Variants in ABLIM2 observed in about 807,000 individuals in gnomAD.
ABLIM2 encodes the protein actin-binding LIM protein 2.
A neutral mutation model predicts 97.7 loss-of-function variants in ABLIM2; 53 were observed. The ratio of observed to expected loss-of-function variants is 0.54; its 90% CI spans 0.44 to 0.68. The LOEUF (loss-of-function observed/expected upper bound fraction) is 0.68, where lower values mean the gene tolerates loss of function less well. Ranked by LOEUF, ABLIM2 falls within the 30% of genes least tolerant of loss-of-function variation. The pLI, the probability that ABLIM2 is intolerant of heterozygous loss-of-function variation, is 0.00. For synonymous variants in ABLIM2, 361 were observed against 345.8 expected (o/e 1.04, Z -0.49); for missense variants, 835 against 867.2 (o/e 0.96, Z 0.47).
intron 5 of ABLIM2, among the ~76,000 whole-genome samples, chr4:8,078,076 G>A (rs1368012474): frequency 1.3e-5 from 2 of 152,214 alleles, no homozygotes; most frequent in East Asian, 1.9e-4. Context: ...AACATCTGGG[G>A]TGCCTTAGAA....
Position 8,072,425 on chromosome 4 carries a change from C to A in ABLIM2, c.675+5203G>T, listed in dbSNP as rs1812882955. ...GTCTGCCCCCGACCCCAGGCCAGGGCCTCTCTGGTGTGGGGGCTGCTGCCC... is the reference window on the plus strand; with the variant it reads ...GTCTGCCCCCGACCCCAGGCCAGGGACTCTCTGGTGTGGGGGCTGCTGCCC... On this transcript the variant is annotated intron_variant, in intron 6 of 20. Transcript: ENST00000447017. This position sits in a 1 kb window ranked among gnomAD's most constrained non-coding sequence, Gnocchi z 5.8. Among the ~76,000 whole-genome samples, 1 of 152,204 alleles carries A rather than the reference C, an allele frequency of 6.6e-6. No homozygotes were observed. Among genetic ancestry groups the A allele is most frequent in the East Asian group, 1.9e-4 (1 of 5,184 alleles).
intron 9 of ABLIM2, among the ~76,000 whole-genome samples, chr4:8,037,317 C>T (rs140919847): frequency 1.3e-4 from 19 of 145,212 alleles, no homozygotes; most frequent in African/African-American, 4.0e-4. Context: ...CACATGCATG[C>T]GCACACATGC....
At position 8,124,036 on chromosome 4, in the gene ABLIM2, A is replaced by G. The variant is rs528683663; in HGVS notation, c.11-17399T>C. The stretch of plus-strand genomic sequence containing the variant: ...TTTTACTGAGACGACCACTCTTAAC[A>G]GCTCAGCGGCTGCTCTACCATGTGC... On this transcript the variant is annotated intron_variant, in intron 1 of 20. Transcript: ENST00000447017. The surrounding 1 kb of genome is among the most constrained non-coding windows in gnomAD (Gnocchi z 6.1). Among the ~76,000 whole-genome samples, 1 of 152,348 alleles carries G rather than the reference A, an allele frequency of 6.6e-6. No homozygotes were observed. Among genetic ancestry groups the G allele is most frequent in the Non-Finnish European group, 1.5e-5 (1 of 68,032 alleles).
intron 2 of ABLIM2, 56 bp from the exon 3 acceptor site, chr4:8,097,338 C>T (rs1832169413): frequency 6.5e-7 from 1 of 1,540,744 alleles, no homozygotes; most frequent in African/African-American, 1.4e-5. Context: ...CTCCACGTCC[C>T]CCAGGCCCGA....
chr4:8,042,839 CAAAAA>C (rs35649540), intron 9 of ABLIM2, among the ~76,000 whole-genome samples: 3 of 62,366 alleles, frequency 4.8e-5, no homozygotes, highest in Admixed American at 2.0e-4. Flanking sequence ...AACTCCAACT[CAAAAA>C]AAAAAAAAAA....
rs1433735449 is a variant in ABLIM2 at position 8,130,366 on chromosome 4, T to C, written c.11-23729A>G. Among the ~76,000 whole-genome samples, 1 of 152,146 alleles carries C rather than the reference T, an allele frequency of 6.6e-6. No homozygotes were observed. Among genetic ancestry groups the C allele is most frequent in the African/African-American group, 2.4e-5 (1 of 41,428 alleles). ...CTCTGTAATGTTCAGGAGAGGGCCA[T>C]GTGGAGAGGTTGGCCTTCTGAGTCC... On this transcript the variant is annotated intron_variant, in intron 1 of 20. Transcript: ENST00000447017. This position sits in a 1 kb window ranked among gnomAD's most constrained non-coding sequence, Gnocchi z 4.2.
intron 6 of ABLIM2, among the ~76,000 whole-genome samples, chr4:8,074,271 C>T (rs935298859): frequency 1.3e-5 from 2 of 151,982 alleles, no homozygotes; most frequent in Non-Finnish European, 2.9e-5. Flanking sequence ...TGGGGCAATA[C>T]AGCAAGATCC....
At chr4:7,982,732 GTCTC>G (rs1163437752) in intron 20 of ABLIM2, among the ~76,000 whole-genome samples, 4 of 152,000 alleles carry the variant, frequency 2.6e-5, no homozygotes, top group Non-Finnish European at 4.4e-5. Flanking sequence ...TTGAGATGGA[GTCTC>G]TCTGTCACCC....
intron 1 of ABLIM2, among the ~76,000 whole-genome samples, chr4:8,151,857 T>A (rs888635306): frequency 7.6e-5 from 1 of 13,230 alleles, no homozygotes; most frequent in African/African-American, 3.3e-4. Context: ...GGACTTGGGG[T>A]GGGGGTGGGG....
intron 7 of ABLIM2, among the ~76,000 whole-genome samples, chr4:8,060,644 C>T (rs188607778): frequency 1.8e-4 from 28 of 152,326 alleles, no homozygotes; most frequent in Admixed American, 1.4e-3. Flanking sequence ...AAAGTGGCGA[C>T]GGATGTGATC....
intron 1 of ABLIM2, among the ~76,000 whole-genome samples, chr4:8,156,269 G>T (rs1389953265): frequency 6.8e-6 from 1 of 148,008 alleles, no homozygotes; most frequent in Admixed American, 6.8e-5. Flanking sequence ...ATGGGCTGCA[G>T]TGAGATGAAG....
At chr4:8,084,319 C>T (rs1264361396) in intron 4 of ABLIM2, among the ~76,000 whole-genome samples, 16 of 152,166 alleles carry the variant, frequency 1.1e-4, no homozygotes, top group Non-Finnish European at 4.4e-5. Flanking sequence ...ACCTCCCAGG[C>T]GCACCCAGGG....
At chr4:8,099,574 G>T (rs1160975141) in intron 2 of ABLIM2, among the ~76,000 whole-genome samples, 1 of 152,160 alleles carries the variant, frequency 6.6e-6, no homozygotes. Context: ...GACTGGGCAC[G>T]GTGGCTCACA....
At chr4:8,066,305 CA>C (rs760606194) in intron 6 of ABLIM2, among the ~76,000 whole-genome samples, 1,009 of 43,782 alleles carry the variant, frequency 0.023, 22 homozygotes, top group African/African-American at 0.078. Flanking sequence ...GACTATGTCT[CA>C]AAAAAAAAAA....
At chr4:8,007,154 G>A (rs1166969758) in intron 16 of ABLIM2, 10 of 985,144 alleles carry the variant, frequency 1.0e-5, no homozygotes, top group Non-Finnish European at 1.2e-5. Flanking sequence ...TTGCAGGCAT[G>A]AGGATGAGGA....
intron 8 of ABLIM2, among the ~76,000 whole-genome samples, chr4:8,049,870 G>A (rs899429490): frequency 6.6e-6 from 1 of 152,134 alleles, no homozygotes; most frequent in Non-Finnish European, 1.5e-5. Context: ...TGAGATTACA[G>A]GCAAGTGCCA....
intron 16 of ABLIM2, chr4:8,007,795 A>G: frequency 7.9e-7 from 1 of 1,263,876 alleles, no homozygotes; most frequent in Non-Finnish European, 1.0e-6. Flanking sequence ...GGGTTTCTGC[A>G]TTCTTGCACA....
rs535736261 is a variant in ABLIM2 at position 8,000,613 on chromosome 4, G to T, written c.1618+7446C>A. 2.3e-4 allele frequency among the ~76,000 whole-genome samples: 35 copies of T among 152,212 alleles called. 1 individual carries two copies. The highest frequency in any genetic ancestry group is 7.7e-4 in the African/African-American group (32 of 41,524). Reference sequence around the variant, plus strand: ...CAGGTGCTCTTCTGGACAGTTCTGCGGCTTTGTATTCTGGGTAGCCACCTT... The same window carrying T: ...CAGGTGCTCTTCTGGACAGTTCTGCTGCTTTGTATTCTGGGTAGCCACCTT... On this transcript the variant is annotated intron_variant, in intron 16 of 20. Coordinates refer to ENST00000447017, the MANE Select transcript of ABLIM2 (RefSeq NM_001130083.2).
Position 8,022,101 on chromosome 4 carries a change from C to G in ABLIM2, c.1268-1798G>C, listed in dbSNP as rs62290636. On this transcript the variant is annotated intron_variant, in intron 12 of 20. Coordinates refer to ENST00000447017, the MANE Select transcript of ABLIM2 (RefSeq NM_001130083.2). This position sits in a 1 kb window ranked among gnomAD's most constrained non-coding sequence, Gnocchi z 7.8. Reference sequence around the variant, plus strand: ...TACGGCTGTGCTGGACCCATCCCCACTGGCAGCAAAACAGGGCAGGTTTTA... The same window carrying G: ...TACGGCTGTGCTGGACCCATCCCCAGTGGCAGCAAAACAGGGCAGGTTTTA... Among the ~76,000 whole-genome samples, 40,052 of 152,066 alleles carry G rather than the reference C, an allele frequency of 0.26. 5,427 individuals carry two copies. Among genetic ancestry groups the G allele is most frequent in the Non-Finnish European group, 0.31 (20,751 of 67,936 alleles).
Sources: gnomAD v4.1 joint callset for allele counts (sites outside exome capture counted in the v4.1 genomes callset) on GRCh38, gnomAD v4.1.1 for gene constraint, Gnocchi (gnomAD v3.1) non-coding constraint, MANE v1.5 for transcripts, NCBI Gene and HGNC (gene_info 2026-07-23, HGNC 2026-07-21) for gene names.